TNFRSF19: variants seen among roughly 807,000 people sequenced by gnomAD.
The protein encoded by TNFRSF19 is tumor necrosis factor receptor superfamily member 19.
Under a neutral mutation model 46.4 loss-of-function variants are expected in TNFRSF19, and 27 were observed. That is an observed-to-expected ratio of 0.58 (90% CI 0.43 to 0.80). The LOEUF (loss-of-function observed/expected upper bound fraction) is 0.80. Among genes scored for constraint, TNFRSF19 ranks in the 30% least tolerant of loss-of-function variants. TNFRSF19 has a pLI of 0.00. For missense variants in TNFRSF19, 511 were observed against 530.8 expected (o/e 0.96, Z 0.37); for synonymous variants, 204 against 205.0 (o/e 1.00, Z 0.04).
chr13:23,576,491 A>T (rs1877966054), intron 1 of TNFRSF19, among the ~76,000 whole-genome samples: 1 of 152,094 alleles, frequency 6.6e-6, no homozygotes, highest in South Asian at 2.1e-4. Context: ...TTTTGTTCAG[A>T]CACTGTCTCC....
At chr13:23,596,359 C>T (rs538003745) in intron 3 of TNFRSF19, among the ~76,000 whole-genome samples, 15 of 151,974 alleles carry the variant, frequency 9.9e-5, no homozygotes, top group Non-Finnish European at 1.8e-4. Flanking sequence ...ATCCATCTCA[C>T]GTGCAAAGAC....
At position 23,675,094 on chromosome 13, in the gene TNFRSF19, C is replaced by G. The variant is rs1284927018; in HGVS notation, c.*1714C>G. On this transcript the variant is annotated 3_prime_UTR_variant, in exon 10 of 10. Transcript: ENST00000248484. ...TATTACTTCTTTTTTTAAGTATAAA[C>G]CAATGATCCTTTGGTAGTCAAGAAC... The G allele has an allele frequency of 3.3e-5, 5 of 152,112 alleles. No homozygotes were observed. Among genetic ancestry groups the G allele is most frequent in the African/African-American group, 7.2e-5 (3 of 41,414 alleles). 9.4% of individuals were successfully genotyped at this position (152,112 alleles called of 1,614,324 possible).
chr13:23,646,622 T>C (rs1462525489), intron 5 of TNFRSF19, among the ~76,000 whole-genome samples: 4 of 152,214 alleles, frequency 2.6e-5, no homozygotes, highest in East Asian at 1.9e-4. Context: ...AAGTTTTCTT[T>C]CCTTTAAAAG....
intron 3 of TNFRSF19, among the ~76,000 whole-genome samples, chr13:23,594,024 A>G (rs959397814): frequency 2.0e-5 from 3 of 152,156 alleles, no homozygotes; most frequent in Non-Finnish European, 4.4e-5. Flanking sequence ...CCCCTCACCA[A>G]GGGAAGCCTT....
rs1442089255 is a variant in TNFRSF19 at position 23,582,152 on chromosome 13, G to A, written c.-34-7998G>A. On this transcript the variant is annotated intron_variant, in intron 1 of 9. Coordinates refer to ENST00000248484, the MANE Select transcript of TNFRSF19 (RefSeq NM_148957.4). ...TCCCAGCACTTTGGGAGGCCGAGGC[G>A]GGCGGATCAGGTGGTCAGGAGATCA... is the stretch of plus-strand genomic sequence containing the variant. 4.6e-5 allele frequency among the ~76,000 whole-genome samples: 7 copies of A among 151,448 alleles called. No homozygotes were observed. The East Asian group carries it at 7.8e-4, about 17-fold the overall frequency.
At chr13:23,652,573 A>G (rs1464174006) in intron 5 of TNFRSF19, among the ~76,000 whole-genome samples, 1 of 152,216 alleles carries the variant, frequency 6.6e-6, no homozygotes, top group Non-Finnish European at 1.5e-5. Context: ...TGGATTCTCT[A>G]TTGATATATA....
chr13:23,587,744 CT>C (rs1878946539), intron 1 of TNFRSF19, among the ~76,000 whole-genome samples: 1 of 152,170 alleles, frequency 6.6e-6, no homozygotes, highest in Admixed American at 6.5e-5. Context: ...TATTTGTTTC[CT>C]TGGACCTTCA....
chr13:23,607,883 A>G (rs1880622168), intron 3 of TNFRSF19, among the ~76,000 whole-genome samples: 1 of 152,244 alleles, frequency 6.6e-6, no homozygotes, highest in Non-Finnish European at 1.5e-5. Flanking sequence ...AAGCAGGTAT[A>G]GTTAAACTTT....
intron 5 of TNFRSF19, among the ~76,000 whole-genome samples, chr13:23,649,703 C>A (rs933172485): frequency 3.9e-5 from 6 of 152,092 alleles, no homozygotes; most frequent in African/African-American, 1.4e-4. Flanking sequence ...AGATTTCCCT[C>A]TGAGCACTGC....
rs1016963271 is a variant in TNFRSF19 at position 23,670,330 on chromosome 13, CA to C, written c.1245+1242del. On this transcript the variant is annotated intron_variant, in intron 9 of 9. Coordinates refer to ENST00000248484, the MANE Select transcript of TNFRSF19 (RefSeq NM_148957.4). ...CCACCTTGTTTGCTTTTTTAAAGTA[CA>C]AAAAAAAATTATCTGGAGAACTTTT... Among the ~76,000 whole-genome samples the C allele has an allele frequency of 9.3e-5, 14 of 150,392 alleles. No individual in the cohort carries two copies. The Middle Eastern group carries it at 0.01, about 110-fold the overall frequency.
chr13:23,625,607 C>T (rs949899073), intron 4 of TNFRSF19, among the ~76,000 whole-genome samples: 2 of 152,088 alleles, frequency 1.3e-5, no homozygotes, highest in East Asian at 1.9e-4. Context: ...GGATTACAGG[C>T]GTGAGCCCCC....
intron 5 of TNFRSF19, among the ~76,000 whole-genome samples, chr13:23,653,706 G>A (rs934736771): frequency 2.0e-5 from 3 of 151,962 alleles, no homozygotes; most frequent in Admixed American, 2.0e-4. Context: ...GAGTTGAGAT[G>A]CATCTTTATC....
intron 5 of TNFRSF19, among the ~76,000 whole-genome samples, chr13:23,640,027 A>G (rs556413697): frequency 3.3e-5 from 5 of 152,188 alleles, no homozygotes; most frequent in Non-Finnish European, 7.4e-5. Flanking sequence ...ATAGTTTTAG[A>G]CAGCATTGAC....
At chr13:23,619,113 C>T (rs367801010) in intron 4 of TNFRSF19, among the ~76,000 whole-genome samples, 7 of 152,074 alleles carry the variant, frequency 4.6e-5, no homozygotes, top group Admixed American at 2.0e-4. Flanking sequence ...AGCACAAAAC[C>T]GACTAAGACA....
At chr13:23,626,127 GT>G (rs996948911) in intron 4 of TNFRSF19, among the ~76,000 whole-genome samples, 3 of 151,448 alleles carry the variant, frequency 2.0e-5, no homozygotes, top group Non-Finnish European at 4.4e-5. Flanking sequence ...TTGTTTGCCC[GT>G]TACCTATTAT....
intron 5 of TNFRSF19, among the ~76,000 whole-genome samples, chr13:23,642,700 C>T (rs1307664972): frequency 2.6e-5 from 4 of 152,224 alleles, no homozygotes; most frequent in Non-Finnish European, 5.9e-5. Context: ...TGGAGGGAGG[C>T]TCTATCTAAA....
At chr13:23,616,224 C>A (rs995353231) in intron 4 of TNFRSF19, among the ~76,000 whole-genome samples, 179 bp downstream of exon 4, 1 of 152,140 alleles carries the variant, frequency 6.6e-6, no homozygotes, top group Non-Finnish European at 1.5e-5. Flanking sequence ...GTGTGCCATG[C>A]ATGCAGCAGA....
At chr13:23,641,949 C>G (rs1251708475) in intron 5 of TNFRSF19, among the ~76,000 whole-genome samples, 1 of 152,200 alleles carries the variant, frequency 6.6e-6, no homozygotes, top group East Asian at 1.9e-4. Flanking sequence ...GCAAAGTCAT[C>G]TAACATAAAG....
chr13:23,587,652 C>G (rs1878939845), intron 1 of TNFRSF19, among the ~76,000 whole-genome samples: 1 of 152,154 alleles, frequency 6.6e-6, no homozygotes, highest in African/African-American at 2.4e-5. Flanking sequence ...GGACACAACC[C>G]TAGGTCAGCA....
Sources: allele counts gnomAD v4.1 joint callset (sites outside exome capture counted in the v4.1 genomes callset), GRCh38; gene constraint gnomAD v4.1.1; transcripts MANE v1.5; gene names NCBI Gene and HGNC (gene_info 2026-07-23, HGNC 2026-07-21).